PPP4R2: variants seen among roughly 807,000 people sequenced by gnomAD.
PPP4R2 encodes serine/threonine-protein phosphatase 4 regulatory subunit 2.
Under a neutral mutation model 47.2 loss-of-function variants are expected in PPP4R2, and 13 were observed. That is an observed-to-expected ratio of 0.28 (90% CI 0.18 to 0.44). The LOEUF is 0.44. PPP4R2 is among the 20% of genes least tolerant of loss of function. PPP4R2 has a pLI of 1.00. For synonymous variants in PPP4R2, 151 were observed against 163.3 expected (o/e 0.92, Z 0.57); for missense variants, 421 against 491.2 (o/e 0.86, Z 1.35).
chr3:73,001,380 A>G (rs1406647433), intron 2 of PPP4R2, among the ~76,000 whole-genome samples: 1 of 152,118 alleles, frequency 6.6e-6, no homozygotes. Context: ...CCTGGGCAAC[A>G]TGGTGAAACC....
intron 2 of PPP4R2, among the ~76,000 whole-genome samples, chr3:73,006,594 C>A (rs957396023): frequency 6.6e-6 from 1 of 152,156 alleles, no homozygotes; most frequent in East Asian, 1.9e-4. Context: ...TTCTCCACTT[C>A]TGCTTTTTTT....
intron 3 of PPP4R2, among the ~76,000 whole-genome samples, chr3:73,049,981 C>G (rs1333603551): frequency 6.6e-6 from 1 of 152,060 alleles, no homozygotes; most frequent in Non-Finnish European, 1.5e-5. Context: ...GTCTTTGTCA[C>G]CCAGGCTGGA....
chr3:73,011,871 G>A (rs1041924740), intron 2 of PPP4R2, among the ~76,000 whole-genome samples: 3 of 152,194 alleles, frequency 2.0e-5, no homozygotes, highest in Non-Finnish European at 4.4e-5. Flanking sequence ...CCAATATTGG[G>A]AGGTAGTTCT....
At position 72,997,010 on chromosome 3, in the gene PPP4R2, C is replaced by G; in HGVS notation, c.-28C>G. On this transcript the variant is annotated 5_prime_UTR_variant, in exon 1 of 9. Transcript: ENST00000356692. ...TCCCCAAGAGACCCGCGGAGGGAGGCGGAGGCTGTGAGGGACTCCGGGAAG... is the reference window on the plus strand; with the variant it reads ...TCCCCAAGAGACCCGCGGAGGGAGGGGGAGGCTGTGAGGGACTCCGGGAAG... 1 of 1,369,246 alleles carries G rather than the reference C, an allele frequency of 7.3e-7. No homozygotes were observed. The highest frequency in any genetic ancestry group is 9.6e-7 in the Non-Finnish European group (1 of 1,045,616). The allele number at this position is 1,369,246 out of a possible 1,614,324, so 84.8% of individuals were successfully genotyped here.
At chr3:73,042,129 A>G (rs1702391494) in intron 2 of PPP4R2, among the ~76,000 whole-genome samples, 1 of 152,084 alleles carries the variant, frequency 6.6e-6, no homozygotes, top group African/African-American at 2.4e-5. Flanking sequence ...AATTTTGAGT[A>G]TGTATTTTAT....
chr3:73,052,199 A>C (rs1273038351), intron 3 of PPP4R2, among the ~76,000 whole-genome samples: 1 of 151,242 alleles, frequency 6.6e-6, no homozygotes, highest in East Asian at 1.9e-4. Context: ...TATTTTGTCT[A>C]TTGAGGCATA....
intron 3 of PPP4R2, among the ~76,000 whole-genome samples, chr3:73,055,135 C>T (rs6549503): frequency 4.6e-5 from 7 of 151,866 alleles, no homozygotes; most frequent in Non-Finnish European, 8.8e-5. Flanking sequence ...AAAGACAGAC[C>T]TATACTTTTG....
At chr3:73,044,804 T>C (rs898672196) in intron 2 of PPP4R2, among the ~76,000 whole-genome samples, 1 of 152,234 alleles carries the variant, frequency 6.6e-6, no homozygotes, top group Non-Finnish European at 1.5e-5. Context: ...AATTGGGTCA[T>C]CTTTTTTGTT....
At chr3:73,054,277 C>T (rs1224731656) in intron 3 of PPP4R2, among the ~76,000 whole-genome samples, 2 of 152,168 alleles carry the variant, frequency 1.3e-5, no homozygotes, top group Non-Finnish European at 2.9e-5. Context: ...CTAGTGTCTG[C>T]ACCACTCCTT....
intron 3 of PPP4R2, among the ~76,000 whole-genome samples, chr3:73,053,014 G>C (rs139322118): frequency 2.6e-5 from 4 of 152,170 alleles, no homozygotes; most frequent in African/African-American, 9.7e-5. Context: ...TTTGCTTTAC[G>C]GTTAGCTCCA....
rs142224392 is a variant in PPP4R2 at position 73,055,468 on chromosome 3, A to G, written c.288-3569A>G. Among the ~76,000 whole-genome samples, 34 of 139,416 alleles carry G rather than the reference A, an allele frequency of 2.4e-4. No individual in the cohort carries two copies. The East Asian group carries it at 6.7e-3, about 28-fold the overall frequency. 91.5% of individuals were successfully genotyped at this position (139,416 alleles called of 152,430 possible). ...TGTGTGTGTGTGTATTAAAATATAT[A>G]TATATATTTAGCAAAGGTGGATCCT... On this transcript the variant is annotated intron_variant, in intron 3 of 8. Coordinates refer to ENST00000356692, the MANE Select transcript of PPP4R2 (RefSeq NM_174907.4).
At chr3:73,015,758 C>G (rs943265517) in intron 2 of PPP4R2, 14 of 437,846 alleles carry the variant, frequency 3.2e-5, no homozygotes, top group Non-Finnish European at 6.4e-5. Context: ...CTGCCTTATC[C>G]TCCTGAGTAG....
chr3:73,053,099 T>C (rs1387547551), intron 3 of PPP4R2, among the ~76,000 whole-genome samples: 4 of 152,220 alleles, frequency 2.6e-5, no homozygotes, highest in Non-Finnish European at 4.4e-5. Flanking sequence ...ATTCACTTTA[T>C]TGCTTCCTGA....
At chr3:73,063,622 C>G (rs757327488) in intron 5 of PPP4R2, 51 bp from the exon 6 acceptor site, 2 of 1,065,658 alleles carry the variant, frequency 1.9e-6, no homozygotes, top group South Asian at 2.6e-5. Flanking sequence ...GAGCCAGACT[C>G]CATCTAAAAA....
intron 5 of PPP4R2, 169 bp downstream of exon 5, chr3:73,061,229 C>G (rs1702851822): frequency 5.9e-6 from 2 of 337,504 alleles, no homozygotes; most frequent in Admixed American, 9.5e-5. Context: ...TTACTAATAA[C>G]ATTATCTATA....
intron 2 of PPP4R2, among the ~76,000 whole-genome samples, chr3:73,004,213 C>G (rs552535963): frequency 2.0e-5 from 3 of 151,044 alleles, no homozygotes; most frequent in East Asian, 3.9e-4. Flanking sequence ...TTTTTATTTC[C>G]CCTTTTTGTT....
At chr3:72,998,181 T>A (rs1329213979) in intron 2 of PPP4R2, 23 bp downstream of exon 2, 1 of 1,502,752 alleles carries the variant, frequency 6.7e-7, no homozygotes, top group Non-Finnish European at 9.2e-7. Context: ...CATGCATTTG[T>A]CGTTATAGAC....
intron 2 of PPP4R2, among the ~76,000 whole-genome samples, chr3:73,026,600 C>T (rs369837356): frequency 2.0e-5 from 3 of 152,140 alleles, no homozygotes; most frequent in South Asian, 2.1e-4. Flanking sequence ...TGGCCTATAC[C>T]GAGCTTATAC....
At chr3:73,008,479 G>A (rs927707499) in intron 2 of PPP4R2, among the ~76,000 whole-genome samples, 5 of 152,064 alleles carry the variant, frequency 3.3e-5, no homozygotes, top group African/African-American at 7.2e-5. Flanking sequence ...TTCCATGGTC[G>A]GTTTAGTTTT....
Sources: gnomAD v4.1 joint callset for allele counts (sites outside exome capture counted in the v4.1 genomes callset) on GRCh38, gnomAD v4.1.1 for gene constraint, MANE v1.5 for transcripts, NCBI Gene and HGNC (gene_info 2026-07-23, HGNC 2026-07-21) for gene names.